The following TCF12 variants were observed in gnomAD, a reference collection of about 807,000 sequenced individuals.
TCF12 encodes the protein transcription factor 12.
TCF12 carries 45 observed loss-of-function variants against 86.0 expected under a neutral mutation model. That is an observed-to-expected ratio of 0.52 (90% CI 0.41 to 0.67). The LOEUF is 0.67. Ranked by LOEUF, TCF12 falls within the 30% of genes least tolerant of loss-of-function variation. The pLI is 0.00. For synonymous variants in TCF12, 330 were observed against 299.6 expected (o/e 1.10, Z -1.05); for missense variants, 881 against 859.9 (o/e 1.02, Z -0.31).
At chr15:57,163,533 C>G (rs796119564) in intron 5 of TCF12, among the ~76,000 whole-genome samples, 2 of 152,178 alleles carry the variant, frequency 1.3e-5, no homozygotes, top group African/African-American at 4.8e-5. Context: ...GACCCTGTCT[C>G]TACTGAAACT....
Position 57,091,791 on chromosome 15 carries a change from T to G in TCF12, c.225T>G (p.Gly75=). The G allele has an allele frequency of 6.2e-7, 1 of 1,613,062 alleles. No individual in the cohort carries two copies. The highest frequency in any genetic ancestry group is 8.5e-7 in the Non-Finnish European group (1 of 1,179,256). ...CTCTGATCTTTTTCTCCCCCTAGGG[T>G]TTTACAGACAGCCCTCATTACAGTG... The part of the protein sequence containing the change: ...QPSPSYDSSR[G]FTDSPHYSDH... Residue 75 remains glycine (G), a splice_region_variant and synonymous_variant, in exon 5 of 21, where the codon GGT becomes GGG. Transcript: ENST00000333725.
At chr15:57,190,721 T>C (rs576459199) in intron 6 of TCF12, among the ~76,000 whole-genome samples, 1 of 152,310 alleles carries the variant, frequency 6.6e-6, no homozygotes, top group Middle Eastern at 3.4e-3. Flanking sequence ...CTCTGAATTA[T>C]AAATGAAGCA....
At chr15:56,989,532 G>A (rs966660231) in intron 3 of TCF12, among the ~76,000 whole-genome samples, 27 of 152,276 alleles carry the variant, frequency 1.8e-4, no homozygotes, top group African/African-American at 6.3e-4. Context: ...TGCTTATATT[G>A]TGTTTATATT....
At chr15:57,172,944 T>TA (rs113797415) in intron 6 of TCF12, among the ~76,000 whole-genome samples, 11,534 of 137,098 alleles carry the variant, frequency 0.084, 1,306 homozygotes, top group African/African-American at 0.27. Flanking sequence ...CTATTAAAAT[T>TA]AAAAAAAAAA....
chr15:56,925,374 T>G (rs1218880240), intron 3 of TCF12, among the ~76,000 whole-genome samples: 1 of 152,128 alleles, frequency 6.6e-6, no homozygotes, highest in East Asian at 1.9e-4. Context: ...CTGTTTTTGT[T>G]TTCATTAGCC....
chr15:57,034,543 CAATG>C (rs1413546491), intron 3 of TCF12, among the ~76,000 whole-genome samples: 5 of 152,008 alleles, frequency 3.3e-5, no homozygotes, highest in African/African-American at 1.2e-4. Flanking sequence ...TAAATTATGA[CAATG>C]AATTTAACAT....
At chr15:57,155,048 A>G (rs1376953892) in intron 5 of TCF12, among the ~76,000 whole-genome samples, 1 of 152,234 alleles carries the variant, frequency 6.6e-6, no homozygotes, top group African/African-American at 2.4e-5. Context: ...AGATGAGGCA[A>G]CTAAGGGACA....
chr15:56,938,428 G>C (rs1027946357), intron 3 of TCF12, among the ~76,000 whole-genome samples: 7 of 151,774 alleles, frequency 4.6e-5, no homozygotes, highest in Non-Finnish European at 8.8e-5. Context: ...CAAAGTGTTG[G>C]GATTACAGGC....
intron 6 of TCF12, among the ~76,000 whole-genome samples, chr15:57,191,941 A>T (rs1381651359): frequency 1.3e-5 from 2 of 152,142 alleles, no homozygotes; most frequent in Non-Finnish European, 2.9e-5. Flanking sequence ...CTCAGAAAAA[A>T]AAAAGAAAAA....
intron 3 of TCF12, among the ~76,000 whole-genome samples, chr15:57,008,548 T>C (rs1336972151): frequency 6.6e-6 from 1 of 152,134 alleles, no homozygotes; most frequent in Non-Finnish European, 1.5e-5. Flanking sequence ...CAATAGGTTT[T>C]TCTTGAAGCC....
intron 3 of TCF12, among the ~76,000 whole-genome samples, chr15:56,993,922 A>G (rs1477112926): frequency 1.3e-5 from 2 of 152,234 alleles, no homozygotes; most frequent in African/African-American, 4.8e-5. Context: ...TGATCAACAT[A>G]TACCATCATG....
At position 57,150,897 on chromosome 15, in the gene TCF12, T is replaced by C. The variant is rs867323526; in HGVS notation, c.326-15505T>C. Among the ~76,000 whole-genome samples the C allele has an allele frequency of 8.0e-4, 99 of 124,230 alleles. 2 individuals are homozygous for C. The highest frequency in any genetic ancestry group is 7.4e-4 in the Non-Finnish European group (44 of 59,676). 81.5% of individuals were successfully genotyped at this position (124,230 alleles called of 152,430 possible). Reference sequence around the variant, plus strand: ...TCCCTTCCTTCCTTCCTTCCTTCCTTCCTTCCTTCCTTCCTTCCTTCCTTC... The same window carrying C: ...TCCCTTCCTTCCTTCCTTCCTTCCTCCCTTCCTTCCTTCCTTCCTTCCTTC... On this transcript the variant is annotated intron_variant, in intron 5 of 20. Transcript: ENST00000333725.
chr15:57,219,888 GC>G (rs1253870238), intron 8 of TCF12, among the ~76,000 whole-genome samples: 22 of 151,982 alleles, frequency 1.4e-4, no homozygotes, highest in African/African-American at 5.1e-4. Context: ...ACCATGCCCA[GC>G]TAATTTTTGT....
intron 5 of TCF12, among the ~76,000 whole-genome samples, chr15:57,137,738 A>G (rs920957829): frequency 1.3e-5 from 2 of 152,068 alleles, no homozygotes; most frequent in Non-Finnish European, 2.9e-5. Flanking sequence ...AAAGACTTAA[A>G]GAATATTAGG....
At chr15:57,208,710 T>C (rs192213642) in intron 8 of TCF12, among the ~76,000 whole-genome samples, 1 of 144,936 alleles carries the variant, frequency 6.9e-6, no homozygotes, top group Non-Finnish European at 1.5e-5. Context: ...TAAAAAAAAA[T>C]TTTTTTTTTT....
intron 5 of TCF12, among the ~76,000 whole-genome samples, chr15:57,101,463 G>A (rs1174440276): frequency 2.6e-5 from 4 of 152,152 alleles, no homozygotes; most frequent in Admixed American, 2.0e-4. Flanking sequence ...TCCAGGCTTG[G>A]CCTCTCAAAG....
At chr15:57,057,652 A>G (rs1186992040) in intron 3 of TCF12, among the ~76,000 whole-genome samples, 1 of 152,162 alleles carries the variant, frequency 6.6e-6, no homozygotes, top group Admixed American at 6.5e-5. Flanking sequence ...CAGAACCTGT[A>G]AAACATTGTA....
intron 5 of TCF12, among the ~76,000 whole-genome samples, chr15:57,125,544 T>A (rs1442288947): frequency 2.0e-5 from 3 of 152,236 alleles, no homozygotes; most frequent in African/African-American, 7.2e-5. Context: ...AACTTAAAGA[T>A]ACCAGACAAG....
chr15:57,202,660 C>G (rs527578390), intron 8 of TCF12, among the ~76,000 whole-genome samples: 5 of 152,156 alleles, frequency 3.3e-5, no homozygotes, highest in Middle Eastern at 3.4e-3. Flanking sequence ...TGGTCTCGAT[C>G]TCCCGACCTC....
Sources: allele counts gnomAD v4.1 joint callset (sites outside exome capture counted in the v4.1 genomes callset), GRCh38; gene constraint gnomAD v4.1.1; transcripts MANE v1.5; gene names NCBI Gene and HGNC (gene_info 2026-07-23, HGNC 2026-07-21).